Variants in ZC3H8 observed in about 807,000 individuals in gnomAD.
ZC3H8 encodes the protein zinc finger CCCH domain-containing protein 8.
In ZC3H8, 27 loss-of-function variants were observed where a neutral mutation model predicts 42.5. The ratio of observed to expected loss-of-function variants is 0.64; its 90% CI spans 0.47 to 0.88. The LOEUF is 0.88. Ranked by LOEUF, ZC3H8 falls within the 40% of genes least tolerant of loss-of-function variation. ZC3H8 has a pLI of 0.00. For missense variants in ZC3H8, 277 were observed against 336.1 expected (o/e 0.82, Z 1.37); for synonymous variants, 101 against 110.1 (o/e 0.92, Z 0.52).
At chr2:112,254,113 T>C (rs1222356695) in intron 1 of ZC3H8, 1 of 984,852 alleles carries the variant, frequency 1.0e-6, no homozygotes, top group Admixed American at 6.1e-5. Flanking sequence ...AAGCTCTGGA[T>C]GATCAGTTAA....
chr2:112,249,083 G>A (rs1685856960), intron 2 of ZC3H8, among the ~76,000 whole-genome samples: 1 of 152,110 alleles, frequency 6.6e-6, no homozygotes. Flanking sequence ...GTGCACACCT[G>A]TAATCCCAGC....
chr2:112,251,960 C>T (rs1226581723), intron 1 of ZC3H8, among the ~76,000 whole-genome samples: 1 of 152,204 alleles, frequency 6.6e-6, no homozygotes. Context: ...CTTTCCACAG[C>T]TACTACTTCT....
Position 112,233,197 on chromosome 2 carries a change from T to G in ZC3H8, c.733+63A>C. 3 of 1,090,046 alleles carry G rather than the reference T, an allele frequency of 2.8e-6. No individual in the cohort carries two copies. In the African/African-American group the frequency reaches 5.0e-5, roughly 18 times the overall value. 67.5% of individuals were successfully genotyped at this position (1,090,046 alleles called of 1,614,324 possible). A position where few individuals can be genotyped will look rare whatever the true frequency, so the allele number is the denominator to read the frequency against. On this transcript the variant is annotated intron_variant, in intron 6 of 8. Coordinates refer to ENST00000409573, the MANE Select transcript of ZC3H8 (RefSeq NM_032494.3). ...TAAAACACTGGTTTCATTAAAAATT[T>G]TGCACATTTAAAATGTTCATGTAAA...
chr2:112,254,194 T>C (rs1686048108), intron 1 of ZC3H8: 1 of 975,676 alleles, frequency 1.0e-6, no homozygotes, highest in Non-Finnish European at 1.2e-6. Flanking sequence ...TGGAAATATA[T>C]CTCAGTTGAG....
At chr2:112,227,585 C>T (rs1478161803) in intron 8 of ZC3H8, among the ~76,000 whole-genome samples, 1 of 152,044 alleles carries the variant, frequency 6.6e-6, no homozygotes, top group East Asian at 2.0e-4. Flanking sequence ...GGAATACATG[C>T]ACACACAAAA....
intron 2 of ZC3H8, among the ~76,000 whole-genome samples, chr2:112,245,781 G>C (rs931311209): frequency 6.6e-6 from 1 of 152,164 alleles, no homozygotes; most frequent in Non-Finnish European, 1.5e-5. Context: ...AAATGAAACA[G>C]CCTTATGTTG....
chr2:112,227,739 ATATG>A (rs1240720076), intron 8 of ZC3H8, among the ~76,000 whole-genome samples: 1 of 152,222 alleles, frequency 6.6e-6, no homozygotes, highest in African/African-American at 2.4e-5. Context: ...ATCAAACAGA[ATATG>A]TACGAATAAA....
Position 112,212,988 on chromosome 2 carries a change from T to TTTTTTTTTTC in ZC3H8, c.*3495_*3496insGAAAAAAAAA, listed in dbSNP as rs1553483034. ...TGCTTTTTTTTTTTTTTTTTTTTTT[T>TTTTTTTTTTC]ATAAGAGACAAGGCTCTGTTGCCCA... is the stretch of plus-strand genomic sequence containing the variant. On this transcript the variant is annotated 3_prime_UTR_variant, in exon 9 of 9. Transcript: ENST00000409573. 2.6e-5 allele frequency: 3 copies of TTTTTTTTTTC among 115,566 alleles called. No homozygotes were observed. Among genetic ancestry groups the TTTTTTTTTTC allele is most frequent in the African/African-American group, 1.0e-4 (3 of 28,582 alleles). 7.2% of individuals were successfully genotyped at this position (115,566 alleles called of 1,614,324 possible).
Position 112,238,516 on chromosome 2 carries a change from C to G in ZC3H8, c.169G>C (p.Ala57Pro). ...TGCAGCGAACTTTTTGGTGATATTG[C>G]AGAGTGTCTAAACTAAGTAAAAATT... ...EQIPKKFRHS[A>P]ISPKSSLHRK... The change falls in exon 3 of 9, where the codon GCA becomes CCA. Residue 57 changes from alanine (A) to proline (P), a missense_variant. Transcript: ENST00000409573. The G allele has an allele frequency of 3.7e-6, 6 of 1,609,610 alleles. No homozygotes were observed. Among genetic ancestry groups the G allele is most frequent in the Non-Finnish European group, 4.2e-6 (5 of 1,179,444 alleles).
chr2:112,254,305 T>G (rs1302908095), intron 1 of ZC3H8, among the ~76,000 whole-genome samples: 1 of 152,268 alleles, frequency 6.6e-6, no homozygotes, highest in African/African-American at 2.4e-5. Flanking sequence ...TAGGGCCATC[T>G]GACCAAGAGT....
At chr2:112,250,435 T>A (rs991301340) in intron 1 of ZC3H8, among the ~76,000 whole-genome samples, 163 bp from the exon 2 acceptor site, 1 of 152,220 alleles carries the variant, frequency 6.6e-6, no homozygotes, top group Non-Finnish European at 1.5e-5. Flanking sequence ...AAAATTATGA[T>A]GACCAATAAA....
intron 8 of ZC3H8, among the ~76,000 whole-genome samples, chr2:112,216,800 G>A (rs186011058): frequency 9.2e-5 from 14 of 151,618 alleles, no homozygotes; most frequent in Admixed American, 9.2e-4. Flanking sequence ...AAATTTGAAT[G>A]GAAACATGAT....
Position 112,211,632 on chromosome 2 carries a change from ACTG to A in ZC3H8, c.*4849_*4851del, listed in dbSNP as rs1684140509. On this transcript the variant is annotated 3_prime_UTR_variant, in exon 9 of 9. Transcript: ENST00000409573. The stretch of plus-strand genomic sequence containing the variant: ...CAATAAGATTCACCATTTCTTATGT[ACTG>A]CTAAGAAAACAATAACCTGCTAATT... 1 of 152,238 alleles carries A rather than the reference ACTG, an allele frequency of 6.6e-6. No individual in the cohort carries two copies. Among genetic ancestry groups the A allele is most frequent in the South Asian group, 2.1e-4 (1 of 4,830 alleles). 9.4% of individuals were successfully genotyped at this position (152,238 alleles called of 1,614,324 possible).
At position 112,215,165 on chromosome 2, in the gene ZC3H8, G is replaced by A. The variant is rs1684276702; in HGVS notation, c.*1319C>T. On this transcript the variant is annotated 3_prime_UTR_variant, in exon 9 of 9. Transcript: ENST00000409573. ...AAGATTAACTACAAGTATTGACAAG[G>A]CTCATGAAAATTAAAAAATTAAGCA... The A allele has an allele frequency of 6.6e-6, 1 of 152,068 alleles. No individual in the cohort carries two copies. Among genetic ancestry groups the A allele is most frequent in the African/African-American group, 2.4e-5 (1 of 41,388 alleles). 9.4% of individuals were successfully genotyped at this position (152,068 alleles called of 1,614,324 possible).
rs375767820 is a variant in ZC3H8 at position 112,223,543 on chromosome 2, C to A, written c.*16-7075G>T. On this transcript the variant is annotated intron_variant, in intron 8 of 8. Transcript: ENST00000409573. ...ACCTCTTGACTTTTTAAACTATCTG[C>A]ATATATTACTTTTATAAGAATATTT... 2.6e-5 allele frequency among the ~76,000 whole-genome samples: 4 copies of A among 152,118 alleles called. No individual in the cohort carries two copies. In the East Asian group the frequency reaches 5.8e-4, roughly 22 times the overall value.
intron 8 of ZC3H8, among the ~76,000 whole-genome samples, chr2:112,227,939 G>C (rs1481705361): frequency 6.6e-6 from 1 of 151,686 alleles, no homozygotes; most frequent in African/African-American, 2.4e-5. Context: ...TGTACAAGCT[G>C]ATCTTAAAAC....
intron 6 of ZC3H8, among the ~76,000 whole-genome samples, chr2:112,232,951 TATAG>T (rs1458377227): frequency 6.6e-6 from 1 of 152,210 alleles, no homozygotes; most frequent in Non-Finnish European, 1.5e-5. Context: ...CTTATTTGAA[TATAG>T]ATTCAATTAA....
At chr2:112,225,373 G>C (rs1684775300) in intron 8 of ZC3H8, among the ~76,000 whole-genome samples, 1 of 152,230 alleles carries the variant, frequency 6.6e-6, no homozygotes, top group Non-Finnish European at 1.5e-5. Flanking sequence ...AGCTACTTGG[G>C]AGGCTTAGGT....
intron 1 of ZC3H8, 157 bp downstream of exon 1, chr2:112,254,751 T>C (rs976020437): frequency 7.4e-6 from 6 of 815,064 alleles, no homozygotes; most frequent in African/African-American, 5.2e-5. Context: ...ACGACCTCTA[T>C]AGGTCAGACG....
Sources: gnomAD v4.1 joint callset for allele counts (sites outside exome capture counted in the v4.1 genomes callset) on GRCh38, gnomAD v4.1.1 for gene constraint, MANE v1.5 for transcripts, NCBI Gene and HGNC (gene_info 2026-07-23, HGNC 2026-07-21) for gene names.